FAM9B: variants seen among roughly 807,000 people sequenced by gnomAD.
The protein encoded by FAM9B is protein FAM9B.
In FAM9B, 18 loss-of-function variants were observed where a neutral mutation model predicts 16.6. The ratio of observed to expected loss-of-function variants is 1.09; its 90% confidence interval spans 0.75 to 1.61. The LOEUF is 1.61. Among genes scored for constraint, FAM9B ranks in the 40% most tolerant of loss-of-function variants. The pLI is 0.00. For missense variants in FAM9B, 155 were observed against 136.0 expected (o/e 1.14, Z -0.70); for synonymous variants, 43 against 42.6 (o/e 1.01, Z -0.03).
rs1218841254 is a variant in FAM9B at position 9,025,516 on chromosome X, T to C, written c.560A>G (p.Ter187TrpextTer4). The C allele has an allele frequency of 8.3e-7, 1 of 1,199,222 alleles. No homozygotes were observed. Among genetic ancestry groups the C allele is most frequent in the South Asian group, 1.8e-5 (1 of 55,210 alleles). ...FSDEDSELDN[*>W] ...ACATGATTTTATTTAAAAACATGTCTAGTTATCAAGTTCACTGTCTTCATC... is the reference window on the plus strand; with the variant it reads ...ACATGATTTTATTTAAAAACATGTCCAGTTATCAAGTTCACTGTCTTCATC... The change falls in exon 8 of 9, where the codon TAG (stop) becomes TGG (tryptophan). Residue 187 changes from the stop codon to tryptophan (W), a stop_lost. Transcript: ENST00000327220.
chrX:9,030,580 G>T, intron 4 of FAM9B: 1 of 275,498 alleles, frequency 3.6e-6, no homozygotes, highest in Non-Finnish European at 6.3e-6. Context: ...AATTCCAGTT[G>T]GTATAACTGA....
At position 9,025,395 on chromosome X, in the gene FAM9B, TTAAG is replaced by T. The variant is rs1353913424; in HGVS notation, c.*32-22_*32-19del. On this transcript the variant is annotated intron_variant, in intron 8 of 8. Transcript: ENST00000327220. The stretch of plus-strand genomic sequence containing the variant: ...TCCAAAAGCTGTTTCAAAAAAAAAT[TTAAG>T]TAACTGTAATACACATTTCTGCAAA... 2.8e-5 allele frequency: 18 copies of T among 633,263 alleles called. No homozygotes were observed. Among genetic ancestry groups the T allele is most frequent in the Non-Finnish European group, 3.8e-5 (17 of 443,892 alleles). The allele number at this position is 633,263 out of a possible 1,213,427, so 52.2% of individuals were successfully genotyped here.
intron 6 of FAM9B, 59 bp from the exon 7 acceptor site, chrX:9,028,025 A>G: frequency 2.5e-6 from 2 of 813,660 alleles, no homozygotes; most frequent in South Asian, 2.2e-5. Context: ...CTTACAAAAC[A>G]TAATTCTGCA....
In FAM9B at chrX:9,032,955, T is replaced by G; in HGVS notation, c.28+4A>C. 8.3e-7 allele frequency: 1 copy of G among 1,211,537 alleles called. No homozygotes were observed. Among genetic ancestry groups the G allele is most frequent in the Non-Finnish European group, 1.1e-6 (1 of 895,392 alleles). ...TCTTCTGGGTCCCCTTGGGCTGTAT[T>G]TACCTGCATGCTTCTTCCCCCAGGC... On this transcript the variant is annotated splice_donor_region_variant and intron_variant, in intron 2 of 8. Coordinates refer to ENST00000327220, the MANE Select transcript of FAM9B (RefSeq NM_205849.3).
chrX:9,033,022 T>C lies in FAM9B; in HGVS notation c.-36A>G, dbSNP rs765224028. 3 of 1,212,016 alleles carry C rather than the reference T, an allele frequency of 2.5e-6. No homozygotes were observed. The highest frequency in any genetic ancestry group is 3.5e-5 in the South Asian group (2 of 57,015). Reference sequence around the variant, plus strand: ...TCCAACTGGGCCTTGGCAGCCCTCCTGCCCACAGGATCCGTGGCTGGTTGT... The same window carrying C: ...TCCAACTGGGCCTTGGCAGCCCTCCCGCCCACAGGATCCGTGGCTGGTTGT... On this transcript the variant is annotated 5_prime_UTR_variant, in exon 2 of 9. Coordinates refer to ENST00000327220, the MANE Select transcript of FAM9B (RefSeq NM_205849.3).
chrX:9,032,636 G>A (rs1921117299), intron 2 of FAM9B, 175 bp from the exon 3 acceptor site: 1 of 783,199 alleles, frequency 1.3e-6, no homozygotes. Context: ...TTTATCGAGG[G>A]ACTTTTGGAA....
At chrX:9,030,193 A>G in intron 5 of FAM9B, 68 bp downstream of exon 5, 1 of 1,161,955 alleles carries the variant, frequency 8.6e-7, no homozygotes, top group East Asian at 3.1e-5. Flanking sequence ...AGTTTTTGAA[A>G]TTATTTGCAC....
chrX:9,027,862 A>G lies in FAM9B; in HGVS notation c.492+6T>C. The G allele has an allele frequency of 1.3e-5, 15 of 1,195,138 alleles. No homozygotes were observed. The highest frequency in any genetic ancestry group is 1.6e-5 in the Non-Finnish European group (14 of 880,520). The stretch of plus-strand genomic sequence containing the variant: ...ATAATGTATTATGTTACCAAATAGA[A>G]CAGACCTTTACGAATTGGTCACGTA... On this transcript the variant is annotated splice_donor_region_variant and intron_variant, in intron 7 of 8. Coordinates refer to ENST00000327220, the MANE Select transcript of FAM9B (RefSeq NM_205849.3).
At chrX:9,033,204 C>G in intron 1 of FAM9B, 129 bp from the exon 2 acceptor site, 1 of 1,134,644 alleles carries the variant, frequency 8.8e-7, no homozygotes, top group South Asian at 2.1e-5. Context: ...CAGGAAGGGA[C>G]GGAAAAGATG....
At chrX:9,033,772 C>A (rs544968448) in intron 1 of FAM9B, 80 bp downstream of exon 1, 3 of 739,147 alleles carry the variant, frequency 4.1e-6, no homozygotes, top group Admixed American at 1.0e-4. Context: ...CACAGGTCGG[C>A]GGGCTGCCCA....
In FAM9B at chrX:9,030,302, C is replaced by T; in HGVS notation, c.240G>A (p.Lys80=). 2 of 1,203,918 alleles carry T rather than the reference C, an allele frequency of 1.7e-6. No individual in the cohort carries two copies. The highest frequency in any genetic ancestry group is 2.2e-6 in the Non-Finnish European group (2 of 891,739). Residue 80 remains lysine, a synonymous_variant, in exon 5 of 9, where the codon AAG becomes AAA. Coordinates refer to ENST00000327220, the MANE Select transcript of FAM9B (RefSeq NM_205849.3). ...MKMDKTCSKT[K]NKSKHALRKK... is the part of the protein sequence containing the mutation. ...TTCTCAAAGCATGTTTACTTTTGTT[C>T]TTTGTTTTGCTGCAAGTTTTATCCA...
In FAM9B at chrX:9,029,398, T is replaced by C; in HGVS notation, c.302A>G (p.His101Arg). 2 of 1,200,707 alleles carry C rather than the reference T, an allele frequency of 1.7e-6. No individual in the cohort carries two copies. Among genetic ancestry groups the C allele is most frequent in the African/African-American group, 1.7e-5 (1 of 57,688 alleles). Residue 101 changes from histidine (H) to arginine (R), a missense_variant, in exon 6 of 9, where the codon CAT becomes CGT. Coordinates refer to ENST00000327220, the MANE Select transcript of FAM9B (RefSeq NM_205849.3). ...AAGGACATTTAGCAACTTCAGAGAA[T>C]GTATATAATCACGTTTCTGCCTGTA... Reference protein sequence around the residue: ...QLKRQKRDYIHSLKLLNVLEE... With the variant: ...QLKRQKRDYIRSLKLLNVLEE...
chrX:9,033,485 C>T, intron 1 of FAM9B: 1 of 546,766 alleles, frequency 1.8e-6, no homozygotes, highest in Non-Finnish European at 2.2e-6. Flanking sequence ...CCCCCGGTGA[C>T]CCCCGGTGAC....
chrX:9,032,902 G>T, intron 2 of FAM9B, 57 bp downstream of exon 2: 3 of 1,194,516 alleles, frequency 2.5e-6, no homozygotes, highest in Non-Finnish European at 3.4e-6. Context: ...GCAGAAAGCA[G>T]ACAGACCGTC....
chrX:9,032,432 C>T lies in FAM9B; in HGVS notation c.58G>A (p.Glu20Lys). 8.3e-7 allele frequency: 1 copy of T among 1,211,198 alleles called. No homozygotes were observed. The highest frequency in any genetic ancestry group is 1.1e-6 in the Non-Finnish European group (1 of 895,379). The change falls in exon 3 of 9, where the codon GAA (glutamate) becomes AAA (lysine). Residue 20 changes from glutamate to lysine, a missense_variant. Glu to Lys is a moderately conservative substitution (Grantham distance 56). Transcript: ENST00000327220. ...CTTGTTTCTGTAAAACGGTTTCTTTCCTCACATTCATCACGGACTGGATCC... is the reference window on the plus strand; with the variant it reads ...CTTGTTTCTGTAAAACGGTTTCTTTTCTCACATTCATCACGGACTGGATCC... ...GKDPVRDECE[E>K]RNRFTETREE...
Position 9,030,627 on chromosome X carries a change from T to C in FAM9B, c.182-267A>G, listed in dbSNP as rs1921043823. The C allele has an allele frequency of 2.7e-5, 6 of 218,451 alleles. No individual in the cohort carries two copies. The East Asian group carries it at 5.1e-4, about 19-fold the overall frequency. 18.0% of individuals were successfully genotyped at this position (218,451 alleles called of 1,213,427 possible). A position where few individuals can be genotyped will look rare whatever the true frequency, so the allele number is the denominator to read the frequency against. On this transcript the variant is annotated intron_variant, in intron 4 of 8. Coordinates refer to ENST00000327220, the MANE Select transcript of FAM9B (RefSeq NM_205849.3). ...TTGACAGATGATGAAAAAAAGCAAATAATTAAAAGTCTCTATTTTTTAAAT... is the reference window on the plus strand; with the variant it reads ...TTGACAGATGATGAAAAAAAGCAAACAATTAAAAGTCTCTATTTTTTAAAT...
At chrX:9,029,261 G>T (rs754540664) in intron 6 of FAM9B, 46 bp downstream of exon 6, 1 of 1,005,401 alleles carries the variant, frequency 9.9e-7, no homozygotes. Flanking sequence ...TACTACCTGA[G>T]ACACTGACAT....
intron 2 of FAM9B, 87 bp from the exon 3 acceptor site, chrX:9,032,548 T>A: frequency 2.2e-5 from 6 of 276,305 alleles, no homozygotes; most frequent in Non-Finnish European, 3.1e-5. Flanking sequence ...AGTTGTAGAC[T>A]TTTTTGGGGG....
chrX:9,026,926 T>C (rs1920972670), intron 7 of FAM9B, among the ~76,000 whole-genome samples: 1 of 111,907 alleles, frequency 8.9e-6, no homozygotes, highest in Non-Finnish European at 1.9e-5. Flanking sequence ...GAAAATTTTA[T>C]TTTCAAACTC....
Sources: gnomAD v4.1 joint callset for allele counts (sites outside exome capture counted in the v4.1 genomes callset) on GRCh38, gnomAD v4.1.1 for gene constraint, MANE v1.5 for transcripts, NCBI Gene and HGNC (gene_info 2026-07-23, HGNC 2026-07-21) for gene names.